Variants in DCC observed in about 807,000 individuals in gnomAD.
The protein encoded by DCC is DCC netrin 1 receptor, also known as netrin receptor DCC.
Under a neutral mutation model 172.5 loss-of-function variants are expected in DCC, and 58 were observed. That is an observed-to-expected ratio of 0.34 (90% CI 0.27 to 0.42). DCC has a LOEUF of 0.42. Ranked by LOEUF, DCC falls within the 10% of genes least tolerant of loss-of-function variation. The pLI is 1.00. For missense variants in DCC, 1,740 were observed against 1,791.0 expected (o/e 0.97, Z 0.51); for synonymous variants, 709 against 644.5 (o/e 1.10, Z -1.52).
chr18:53,125,762 A>G (rs1323357099), intron 7 of DCC, among the ~76,000 whole-genome samples: 1 of 152,142 alleles, frequency 6.6e-6, no homozygotes, highest in African/African-American at 2.4e-5. Context: ...CGAAGTGTAC[A>G]CACAGACACA....
intron 5 of DCC, among the ~76,000 whole-genome samples, chr18:52,967,875 ATGT>A (rs1226249133): frequency 1.3e-5 from 2 of 152,174 alleles, no homozygotes; most frequent in African/African-American, 4.8e-5. Context: ...AAATTAGATA[ATGT>A]TGTATGGATA....
At chr18:52,699,304 T>G (rs2036066523) in intron 1 of DCC, among the ~76,000 whole-genome samples, 1 of 152,106 alleles carries the variant, frequency 6.6e-6, no homozygotes, top group Non-Finnish European at 1.5e-5. Context: ...AACCAACTTG[T>G]GTGGCCCTCT....
intron 2 of DCC, among the ~76,000 whole-genome samples, chr18:52,828,953 G>A (rs1251851994): frequency 1.3e-5 from 2 of 152,154 alleles, no homozygotes; most frequent in African/African-American, 4.8e-5. Context: ...TTAAGATGAT[G>A]ACAGTTTTGA....
At position 53,351,332 on chromosome 18, in the gene DCC, ACAGT is replaced by A. The variant is rs1369714776; in HGVS notation, c.2359+11426_2359+11429del. 8.9e-4 allele frequency among the ~76,000 whole-genome samples: 35 copies of A among 39,490 alleles called. 1 individual carries two copies. The highest frequency in any genetic ancestry group is 1.8e-3 in the Admixed American group (7 of 3,980). 25.9% of individuals were successfully genotyped at this position (39,490 alleles called of 152,430 possible). Reference sequence around the variant, plus strand: ...ATATATATACACTGTATATATATATACAGTGTATATATATATACACAGTATATAT... The same window carrying A: ...ATATATATACACTGTATATATATATAGTATATATATATACACAGTATATAT... On this transcript the variant is annotated intron_variant, in intron 15 of 28. Transcript: ENST00000442544.
At chr18:53,150,249 T>G (rs2043978283) in intron 7 of DCC, among the ~76,000 whole-genome samples, 1 of 152,232 alleles carries the variant, frequency 6.6e-6, no homozygotes, top group Non-Finnish European at 1.5e-5. Context: ...AAATTAATAA[T>G]AATGAACATA....
At chr18:52,383,987 C>T (rs555278496) in intron 1 of DCC, among the ~76,000 whole-genome samples, 7 of 152,160 alleles carry the variant, frequency 4.6e-5, no homozygotes, top group South Asian at 2.1e-4. Flanking sequence ...TAAAATTCCC[C>T]TATCACAATC....
At chr18:52,530,234 T>TACAC (rs1355491657) in intron 1 of DCC, among the ~76,000 whole-genome samples, 1 of 152,138 alleles carries the variant, frequency 6.6e-6, no homozygotes, top group Non-Finnish European at 1.5e-5. Flanking sequence ...GTACATGTTT[T>TACAC]ACACACACAC....
intron 7 of DCC, among the ~76,000 whole-genome samples, chr18:53,143,366 G>C (rs2043858780): frequency 6.6e-6 from 1 of 152,164 alleles, no homozygotes; most frequent in Non-Finnish European, 1.5e-5. Flanking sequence ...TCCTCCTTTT[G>C]AGAATACAGG....
At chr18:52,817,803 A>ATATATATATATATGTG (rs375371359) in intron 2 of DCC, among the ~76,000 whole-genome samples, 53 of 151,424 alleles carry the variant, frequency 3.5e-4, no homozygotes, top group African/African-American at 1.2e-3. Flanking sequence ...ATATATATAT[A>ATATATATATATATGTG]TGTGTGTGTG....
chr18:53,445,656 A>G (rs1307376352), intron 22 of DCC, among the ~76,000 whole-genome samples: 2 of 152,242 alleles, frequency 1.3e-5, no homozygotes, highest in Non-Finnish European at 2.9e-5. Flanking sequence ...AAATTTTTAT[A>G]AAAACAAGTT....
chr18:52,865,591 T>A (rs1054760593), intron 2 of DCC, among the ~76,000 whole-genome samples: 4 of 152,004 alleles, frequency 2.6e-5, no homozygotes, highest in Non-Finnish European at 4.4e-5. Context: ...AGTATTTCTC[T>A]AATGACCAGT....
At chr18:52,442,959 C>T (rs547543396) in intron 1 of DCC, among the ~76,000 whole-genome samples, 5 of 151,682 alleles carry the variant, frequency 3.3e-5, no homozygotes, top group Admixed American at 2.0e-4. Context: ...TCAGGGGATG[C>T]TTCTCATGAG....
chr18:53,297,563 C>T (rs935176467), intron 12 of DCC, among the ~76,000 whole-genome samples: 7 of 152,110 alleles, frequency 4.6e-5, no homozygotes, highest in Admixed American at 3.9e-4. Context: ...GTGTTAAGTA[C>T]TTTTAATAAA....
At chr18:52,447,847 C>T (rs1309389780) in intron 1 of DCC, among the ~76,000 whole-genome samples, 1 of 152,034 alleles carries the variant, frequency 6.6e-6, no homozygotes, top group African/African-American at 2.4e-5. Flanking sequence ...AGGATAGTAC[C>T]AAGGGGATAG....
At chr18:52,703,296 T>G (rs2036155794) in intron 1 of DCC, among the ~76,000 whole-genome samples, 2 of 152,308 alleles carry the variant, frequency 1.3e-5, no homozygotes, top group Admixed American at 6.5e-5. Context: ...TCTTCTTTCC[T>G]TCTTGGACGG....
intron 5 of DCC, among the ~76,000 whole-genome samples, chr18:52,996,936 A>G (rs2041490998): frequency 6.6e-6 from 1 of 152,062 alleles, no homozygotes; most frequent in Non-Finnish European, 1.5e-5. Context: ...ATAAAGACAC[A>G]CAGCAATCAA....
intron 2 of DCC, among the ~76,000 whole-genome samples, chr18:52,807,433 T>A (rs1465566964): frequency 6.6e-6 from 1 of 152,246 alleles, no homozygotes; most frequent in Non-Finnish European, 1.5e-5. Context: ...CACTCACTCA[T>A]ATTTCACACT....
At chr18:53,046,068 A>G (rs2042233688) in intron 5 of DCC, among the ~76,000 whole-genome samples, 1 of 151,850 alleles carries the variant, frequency 6.6e-6, no homozygotes, top group Non-Finnish European at 1.5e-5. Context: ...TGTTATCTTC[A>G]GGTAGATAAC....
At chr18:52,804,503 G>T (rs773407623) in intron 2 of DCC, among the ~76,000 whole-genome samples, 3 of 152,112 alleles carry the variant, frequency 2.0e-5, no homozygotes, top group Non-Finnish European at 4.4e-5. Flanking sequence ...GACAAAAAAA[G>T]ATAAGAATCA....
Sources: allele counts gnomAD v4.1 joint callset (sites outside exome capture counted in the v4.1 genomes callset), GRCh38; gene constraint gnomAD v4.1.1; transcripts MANE v1.5; gene names NCBI Gene and HGNC (gene_info 2026-07-23, HGNC 2026-07-21).